The following PHACTR1 variants were observed in gnomAD, a reference collection of about 807,000 sequenced individuals.
The protein encoded by PHACTR1 is phosphatase and actin regulator 1, also known as RPEL repeat containing 1.
Under a neutral mutation model 69.2 loss-of-function variants are expected in PHACTR1, and 16 were observed. The ratio of observed to expected loss-of-function variants is 0.23; its 90% CI spans 0.16 to 0.35. The LOEUF (loss-of-function observed/expected upper bound fraction) is 0.35. Among genes scored for constraint, PHACTR1 ranks in the 10% least tolerant of loss-of-function variants. The pLI is 1.00. For synonymous variants in PHACTR1, 312 were observed against 284.5 expected, an observed-to-expected ratio of 1.10 and a Z score of -0.97; for missense variants, 510 against 734.7, an observed-to-expected ratio of 0.69 and a Z score of 3.54.
chr6:13,172,129 A>G (rs1760714408), intron 6 of PHACTR1, among the ~76,000 whole-genome samples: 1 of 152,094 alleles, frequency 6.6e-6, no homozygotes, highest in South Asian at 2.1e-4. Flanking sequence ...TTAATGATGA[A>G]AGAGGCCCCT....
intron 5 of PHACTR1, among the ~76,000 whole-genome samples, chr6:13,077,092 A>T (rs74330993): frequency 7.1e-4 from 96 of 135,614 alleles, no homozygotes; most frequent in Non-Finnish European, 1.0e-3. Flanking sequence ...AAAGTATAAT[A>T]AAAAAAAAAA....
chr6:13,037,661 G>A (rs1253942355), intron 4 of PHACTR1, among the ~76,000 whole-genome samples: 1 of 152,132 alleles, frequency 6.6e-6, no homozygotes, highest in Non-Finnish European at 1.5e-5. Flanking sequence ...CTAAGCTGAT[G>A]GGCAGACTCC....
intron 4 of PHACTR1, among the ~76,000 whole-genome samples, chr6:12,969,431 T>C (rs927708069): frequency 2.6e-5 from 4 of 152,194 alleles, no homozygotes; most frequent in African/African-American, 9.6e-5. Flanking sequence ...ACCTGTCTTG[T>C]ATTTTCACCC....
At chr6:13,199,377 C>T (rs1255667826) in intron 7 of PHACTR1, among the ~76,000 whole-genome samples, 1 of 92,410 alleles carries the variant, frequency 1.1e-5, no homozygotes, top group Non-Finnish European at 1.9e-5. Context: ...AAGTGAGAGT[C>T]CATCTCAAAA....
At chr6:13,233,036 AG>A (rs1350799773) in intron 10 of PHACTR1, among the ~76,000 whole-genome samples, 18 of 152,318 alleles carry the variant, frequency 1.2e-4, no homozygotes, top group African/African-American at 4.3e-4. Context: ...TGGGAAGCAT[AG>A]GAAGTCGGCC....
At chr6:13,055,218 A>C (rs1002609372) in intron 5 of PHACTR1, among the ~76,000 whole-genome samples, 2 of 152,146 alleles carry the variant, frequency 1.3e-5, no homozygotes, top group Non-Finnish European at 2.9e-5. Flanking sequence ...GAATTTCATA[A>C]ATTTCTAAAT....
intron 4 of PHACTR1, among the ~76,000 whole-genome samples, chr6:12,751,271 C>T (rs1161906777): frequency 6.6e-6 from 1 of 152,190 alleles, no homozygotes; most frequent in East Asian, 1.9e-4. Context: ...GACTTTGGAG[C>T]TGAAGACAAG....
intron 4 of PHACTR1, among the ~76,000 whole-genome samples, chr6:12,991,447 G>A (rs990495546): frequency 3.9e-5 from 6 of 152,084 alleles, no homozygotes; most frequent in African/African-American, 1.2e-4. Flanking sequence ...AGGTCATTCC[G>A]TTACCTGCCA....
chr6:12,786,106 A>G (rs1170976531), intron 4 of PHACTR1, among the ~76,000 whole-genome samples: 3 of 152,330 alleles, frequency 2.0e-5, no homozygotes, highest in East Asian at 3.9e-4. Context: ...AAGACTGCAT[A>G]TTCTTCCCCA....
In PHACTR1 at chr6:13,134,148, C is replaced by T. The variant is rs190295793; in HGVS notation, c.416-26056C>T. Reference sequence around the variant, plus strand: ...GAGCGTCTCCGCCTGGCAGCCGCCCCCTCCAGGAGGTGGGGGGCAGCCCCC... The same window carrying T: ...GAGCGTCTCCGCCTGGCAGCCGCCCTCTCCAGGAGGTGGGGGGCAGCCCCC... On this transcript the variant is annotated intron_variant, in intron 5 of 14. Transcript: ENST00000332995. 8.6e-4 allele frequency among the ~76,000 whole-genome samples: 131 copies of T among 152,092 alleles called. 1 individual carries two copies. In the Middle Eastern group the frequency reaches 0.041, roughly 48 times the overall value.
At chr6:13,281,733 C>T (rs761786497) in intron 12 of PHACTR1, among the ~76,000 whole-genome samples, 37 of 152,322 alleles carry the variant, frequency 2.4e-4, no homozygotes, top group African/African-American at 7.0e-4. Flanking sequence ...TCCCTGCACT[C>T]ACATTGTGGA....
At chr6:12,957,036 G>C (rs749907471) in intron 4 of PHACTR1, among the ~76,000 whole-genome samples, 1 of 146,244 alleles carries the variant, frequency 6.8e-6, no homozygotes, top group Non-Finnish European at 1.5e-5. Flanking sequence ...TCATTGTGTC[G>C]CGTTTTGAGG....
intron 5 of PHACTR1, among the ~76,000 whole-genome samples, chr6:13,101,540 CA>C (rs1257421696): frequency 6.6e-6 from 1 of 152,094 alleles, no homozygotes; most frequent in Admixed American, 6.5e-5. Context: ...ACCACTTTTG[CA>C]ATAAACCTGT....
Position 13,053,358 on chromosome 6 carries a change from TAAC to T in PHACTR1, c.251-4_251-2del. The T allele has an allele frequency of 1.3e-6, 2 of 1,586,910 alleles. No individual in the cohort carries two copies. The highest frequency in any genetic ancestry group is 1.7e-6 in the Non-Finnish European group (2 of 1,166,682). Reference sequence around the variant, plus strand: ...TTTGTTTTCATCTCTTTCTTGGAAATAACAAGCTGAGGAAGTGGAGAGGCTGGC... The same window carrying T: ...TTTGTTTTCATCTCTTTCTTGGAAATAAGCTGAGGAAGTGGAGAGGCTGGC... On this transcript the variant is annotated splice_polypyrimidine_tract_variant and splice_region_variant and intron_variant, in intron 4 of 14. Coordinates refer to ENST00000332995, the MANE Select transcript of PHACTR1 (RefSeq NM_030948.6).
rs9472989 is a variant in PHACTR1 at position 12,929,262 on chromosome 6, C to T, written c.251-124103C>T. The stretch of plus-strand genomic sequence containing the variant: ...TGCAGCTAGAATCCAGCTAAGATCT[C>T]ATCCTTGGTGTAGCCGCTTCTCCTG... On this transcript the variant is annotated intron_variant, in intron 4 of 14. Transcript: ENST00000332995. 9.4e-3 allele frequency among the ~76,000 whole-genome samples: 1,426 copies of T among 152,222 alleles called. 21 individuals are homozygous for T. Among genetic ancestry groups the T allele is most frequent in the African/African-American group, 0.033 (1,373 of 41,550 alleles).
intron 4 of PHACTR1, among the ~76,000 whole-genome samples, chr6:12,857,592 A>T (rs1477122876): frequency 1.6e-5 from 2 of 123,392 alleles, no homozygotes; most frequent in African/African-American, 5.5e-5. Flanking sequence ...ACAGAATAAG[A>T]CTCCATCTTA....
chr6:13,265,345 A>T (rs1415340306), intron 10 of PHACTR1, among the ~76,000 whole-genome samples: 1 of 87,578 alleles, frequency 1.1e-5, no homozygotes, highest in East Asian at 2.3e-4. Flanking sequence ...TGTTAACGAA[A>T]AGATTGACAT....
intron 4 of PHACTR1, among the ~76,000 whole-genome samples, chr6:13,004,636 G>A (rs1362506917): frequency 6.6e-6 from 1 of 152,174 alleles, no homozygotes; most frequent in African/African-American, 2.4e-5. Flanking sequence ...GTGGTTTGCT[G>A]CACCTATCAA....
intron 4 of PHACTR1, among the ~76,000 whole-genome samples, chr6:12,962,523 T>C (rs556947578): frequency 1.3e-5 from 2 of 152,274 alleles, no homozygotes; most frequent in African/African-American, 2.4e-5. Context: ...ACCAAACTGC[T>C]GTGAGGAGAC....
Sources: gnomAD v4.1 joint callset for allele counts (sites outside exome capture counted in the v4.1 genomes callset) on GRCh38, gnomAD v4.1.1 for gene constraint, MANE v1.5 for transcripts, NCBI Gene and HGNC (gene_info 2026-07-23, HGNC 2026-07-21) for gene names.